SNTG1: variants seen among roughly 807,000 people sequenced by gnomAD.
SNTG1 encodes syntrophin gamma 1, also known as gamma-1-syntrophin.
Under a neutral mutation model 74.7 loss-of-function variants are expected in SNTG1, and 39 were observed. The ratio of observed to expected loss-of-function variants is 0.52; its 90% CI spans 0.40 to 0.68. SNTG1 has a LOEUF of 0.68. Among genes scored for constraint, SNTG1 ranks in the 30% least tolerant of loss-of-function variants. The probability of loss-of-function intolerance (pLI) is 0.00; values close to 1 mark genes in which losing one functional copy is unlikely to be tolerated. For missense variants in SNTG1, 685 were observed against 609.5 expected (o/e 1.12, Z -1.30); for synonymous variants, 254 against 217.1 (o/e 1.17, Z -1.49).
intron 13 of SNTG1, among the ~76,000 whole-genome samples, chr8:50,602,761 A>T (rs2130938797): frequency 6.6e-6 from 1 of 152,178 alleles, no homozygotes; most frequent in South Asian, 2.1e-4. Flanking sequence ...CTTAATGCAT[A>T]TTTTCACTGG....
intron 18 of SNTG1, among the ~76,000 whole-genome samples, chr8:50,769,470 G>A (rs1413694663): frequency 6.6e-6 from 1 of 151,926 alleles, no homozygotes; most frequent in East Asian, 1.9e-4. Flanking sequence ...ACCAAGTACT[G>A]TATTATGTTC....
chr8:50,053,964 G>C (rs10098450), intron 1 of SNTG1, among the ~76,000 whole-genome samples: 4,126 of 151,872 alleles, frequency 0.027, 209 homozygotes, highest in African/African-American at 0.093. Flanking sequence ...TTACTAGCAG[G>C]GACTGTGTCA....
At chr8:50,488,165 G>A (rs574491536) in intron 8 of SNTG1, among the ~76,000 whole-genome samples, 3 of 152,072 alleles carry the variant, frequency 2.0e-5, no homozygotes, top group East Asian at 3.9e-4. Flanking sequence ...AGATAAAGAC[G>A]CATGAAGAAG....
intron 1 of SNTG1, among the ~76,000 whole-genome samples, chr8:50,145,617 T>G (rs2081833564): frequency 6.6e-6 from 1 of 152,112 alleles, no homozygotes; most frequent in African/African-American, 2.4e-5. Flanking sequence ...GGGGCGGTGT[T>G]GAGAAACTCA....
At chr8:50,045,595 AG>A (rs907735799) in intron 1 of SNTG1, among the ~76,000 whole-genome samples, 6 of 152,104 alleles carry the variant, frequency 3.9e-5, no homozygotes, top group African/African-American at 1.4e-4. Context: ...TCTTTTGGGG[AG>A]GGGGTCCTCA....
rs1002080538 is a variant in SNTG1 at position 50,675,488 on chromosome 8, C to CT, written c.1038+16835dup. ...TCAGAGACTAGGATTGCAACCCCTA[C>CT]TTTTTTTTTTCCATCTCCTTGGTAA... On this transcript the variant is annotated intron_variant, in intron 15 of 18. Transcript: ENST00000642720. Among the ~76,000 whole-genome samples the CT allele has an allele frequency of 7.0e-3, 1,042 of 149,486 alleles. 14 individuals carry two copies. Among genetic ancestry groups the CT allele is most frequent in the African/African-American group, 0.019 (767 of 40,906 alleles).
chr8:50,163,184 C>A (rs190576338), intron 1 of SNTG1, among the ~76,000 whole-genome samples: 1 of 152,220 alleles, frequency 6.6e-6, no homozygotes, highest in Non-Finnish European at 1.5e-5. Context: ...GAAAGCAACT[C>A]TCCTCAACTC....
intron 2 of SNTG1, among the ~76,000 whole-genome samples, chr8:50,281,779 T>A (rs1023515059): frequency 6.6e-6 from 1 of 152,334 alleles, no homozygotes; most frequent in East Asian, 1.9e-4. Flanking sequence ...AAATTAAAAG[T>A]AGTCTCACTA....
chr8:50,442,680 T>TAAAAA (rs5891365), intron 5 of SNTG1, among the ~76,000 whole-genome samples: 1 of 81,196 alleles, frequency 1.2e-5, no homozygotes, highest in African/African-American at 5.1e-5. Context: ...TGTCTATCAG[T>TAAAAA]AAAAAAAAAA....
At position 50,620,421 on chromosome 8, in the gene SNTG1, C is replaced by T. The variant is rs115348703; in HGVS notation, c.849+29504C>T. ...GCAGCACAAACTCCTTCATCTTAAT[C>T]ACACTTGAAAAGTCCCTTTGGCACC... is the stretch of plus-strand genomic sequence containing the variant. On this transcript the variant is annotated intron_variant, in intron 13 of 18. Coordinates refer to ENST00000642720, the MANE Select transcript of SNTG1 (RefSeq NM_018967.5). Among the ~76,000 whole-genome samples the T allele has an allele frequency of 5.5e-3, 841 of 152,284 alleles. 14 individuals carry two copies. Among genetic ancestry groups the T allele is most frequent in the African/African-American group, 0.019 (803 of 41,544 alleles).
intron 2 of SNTG1, among the ~76,000 whole-genome samples, chr8:50,219,681 T>C (rs2084963607): frequency 6.6e-6 from 1 of 152,116 alleles, no homozygotes; most frequent in Non-Finnish European, 1.5e-5. Flanking sequence ...ACTCACTCAC[T>C]ATCATGAGAA....
chr8:49,918,971 A>G (rs1806288089), intron 1 of SNTG1, among the ~76,000 whole-genome samples: 1 of 152,152 alleles, frequency 6.6e-6, no homozygotes, highest in Non-Finnish European at 1.5e-5. Flanking sequence ...GTATGGCTTG[A>G]TTAAAGTGTT....
At chr8:50,230,736 A>T (rs2085575779) in intron 2 of SNTG1, among the ~76,000 whole-genome samples, 1 of 151,272 alleles carries the variant, frequency 6.6e-6, no homozygotes, top group Admixed American at 6.6e-5. Context: ...CAGACCATGT[A>T]TACAATCCAA....
chr8:50,098,701 G>A (rs977419211), intron 1 of SNTG1, among the ~76,000 whole-genome samples: 1 of 152,130 alleles, frequency 6.6e-6, no homozygotes. Flanking sequence ...ATCCATATAA[G>A]ATGTGATCTT....
Position 49,981,437 on chromosome 8 carries a change from A to G in SNTG1, c.-103+69206A>G, listed in dbSNP as rs200403912. Among the ~76,000 whole-genome samples, 6 of 34,414 alleles carry G rather than the reference A, an allele frequency of 1.7e-4. No homozygotes were observed. The East Asian group carries it at 0.31, about 1,792-fold the overall frequency. The allele number at this position is 34,414 out of a possible 152,430, so 22.6% of individuals were successfully genotyped here. A position where few individuals can be genotyped will look rare whatever the true frequency, so the allele number is the denominator to read the frequency against. On this transcript the variant is annotated intron_variant, in intron 1 of 18. Coordinates refer to ENST00000642720, the MANE Select transcript of SNTG1 (RefSeq NM_018967.5). ...TATCTTGGAGGCAGGCTAGACTGAA[A>G]TGATAAAGAAAGAATCTGGACTCTG...
chr8:50,304,604 T>A (rs1259382676), intron 2 of SNTG1, among the ~76,000 whole-genome samples: 1 of 152,086 alleles, frequency 6.6e-6, no homozygotes, highest in Non-Finnish European at 1.5e-5. Flanking sequence ...ACAAACATGA[T>A]ATTTGACAAA....
chr8:50,131,932 G>A (rs1298001042), intron 1 of SNTG1, among the ~76,000 whole-genome samples: 1 of 151,994 alleles, frequency 6.6e-6, no homozygotes. Flanking sequence ...GCATTTCTCT[G>A]ATAATTAGTG....
At chr8:50,371,609 A>G (rs1434569137) in intron 2 of SNTG1, among the ~76,000 whole-genome samples, 1 of 152,198 alleles carries the variant, frequency 6.6e-6, no homozygotes. Context: ...TCACTGACCT[A>G]CCACTACTAA....
At chr8:50,559,480 G>T (rs562992350) in intron 12 of SNTG1, among the ~76,000 whole-genome samples, 1 of 152,202 alleles carries the variant, frequency 6.6e-6, no homozygotes, top group East Asian at 1.9e-4. Flanking sequence ...ACTAGAGCAG[G>T]TTGAACAAAT....
Sources: gnomAD v4.1 joint callset for allele counts (sites outside exome capture counted in the v4.1 genomes callset) on GRCh38, gnomAD v4.1.1 for gene constraint, MANE v1.5 for transcripts, NCBI Gene and HGNC (gene_info 2026-07-23, HGNC 2026-07-21) for gene names.